The following DHX40 variants were observed in gnomAD, a reference collection of about 807,000 sequenced individuals.
The protein encoded by DHX40 is DEAH-box helicase 40.
In DHX40, 28 loss-of-function variants were observed where a neutral mutation model predicts 89.6. The ratio of observed to expected loss-of-function variants is 0.31; its 90% CI spans 0.23 to 0.43. The LOEUF is 0.43. DHX40 is among the 20% of genes least tolerant of loss of function. The pLI is 1.00. For missense variants in DHX40, 457 were observed against 844.0 expected (o/e 0.54, Z 5.68); for synonymous variants, 226 against 283.6 (o/e 0.80, Z 2.04).
At chr17:59,574,482 A>G (rs945708977) in intron 6 of DHX40, among the ~76,000 whole-genome samples, 3 of 151,562 alleles carry the variant, frequency 2.0e-5, no homozygotes, top group Admixed American at 2.0e-4. Flanking sequence ...TGTCAAAGAC[A>G]TAATAGTATG....
At chr17:59,593,462 T>C (rs1179627706) in intron 12 of DHX40, among the ~76,000 whole-genome samples, 1 of 25,750 alleles carries the variant, frequency 3.9e-5, no homozygotes, top group Non-Finnish European at 7.4e-5. Flanking sequence ...GTGATGTCTT[T>C]TAAAATATTT....
chr17:59,569,220 C>G (rs1379787689), intron 2 of DHX40, among the ~76,000 whole-genome samples: 1 of 152,066 alleles, frequency 6.6e-6, no homozygotes, highest in Non-Finnish European at 1.5e-5. Context: ...CCCAGTTACT[C>G]AGGCGGCTGA....
intron 7 of DHX40, chr17:59,576,993 C>A (rs545518828): frequency 6.3e-4 from 241 of 383,536 alleles, no homozygotes; most frequent in African/African-American, 4.7e-3. Context: ...CCTCAGCCTC[C>A]CGAGTAGCTG....
In DHX40 at chr17:59,566,668, A is replaced by G; in HGVS notation, c.154A>G (p.Thr52Ala). ...GTCCCAGGAGGGAGGAACTACTCCA[A>G]CTTTTCCTATTCAGAAACAAAGAAA... The part of the protein sequence containing the change: ...CTSQEGGTTP[T>A]FPIQKQRKKI... The change falls in exon 2 of 18, where the codon ACT becomes GCT. Residue 52 changes from threonine to alanine, a missense_variant. By Grantham distance (58) the Thr-to-Ala change is moderately conservative (BLOSUM62 0). This residue lies in a region of DHX40 where 75 missense variants were observed against 76.8 expected (regional missense o/e 0.98). Coordinates refer to ENST00000251241, the MANE Select transcript of DHX40 (RefSeq NM_024612.5). The G allele has an allele frequency of 6.2e-7, 1 of 1,604,312 alleles. No homozygotes were observed. The highest frequency in any genetic ancestry group is 2.2e-5 in the East Asian group (1 of 44,586).
chr17:59,585,439 G>T (rs1250740376), intron 10 of DHX40, among the ~76,000 whole-genome samples: 2 of 148,718 alleles, frequency 1.3e-5, no homozygotes, highest in Non-Finnish European at 3.0e-5. Flanking sequence ...GAAGCATTTT[G>T]AGGCTGGGTG....
At chr17:59,566,584 T>G in intron 1 of DHX40, 43 bp from the exon 2 acceptor site, 2 of 1,522,120 alleles carry the variant, frequency 1.3e-6, no homozygotes, top group Non-Finnish European at 1.8e-6. Flanking sequence ...GTCAGAGATA[T>G]CTTTACAAGT....
At chr17:59,574,972 T>C (rs1336305028) in intron 6 of DHX40, among the ~76,000 whole-genome samples, 5 of 152,238 alleles carry the variant, frequency 3.3e-5, no homozygotes, top group Non-Finnish European at 7.3e-5. Flanking sequence ...AGTGAGGGAT[T>C]GTCACAATCT....
At chr17:59,583,628 C>T (rs567309250) in intron 10 of DHX40, among the ~76,000 whole-genome samples, 1 of 141,056 alleles carries the variant, frequency 7.1e-6, no homozygotes, top group African/African-American at 2.4e-5. Flanking sequence ...CGCCTGTAAT[C>T]CCAGCACTTT....
At chr17:59,588,245 A>C (rs1210431612) in intron 12 of DHX40, among the ~76,000 whole-genome samples, 192 bp downstream of exon 12, 1 of 137,308 alleles carries the variant, frequency 7.3e-6, no homozygotes, top group African/African-American at 3.5e-5. Flanking sequence ...AAAAAAACCA[A>C]AAACAAAATT....
intron 15 of DHX40, among the ~76,000 whole-genome samples, chr17:59,603,050 A>G (rs1256236585): frequency 1.3e-5 from 2 of 152,170 alleles, no homozygotes; most frequent in African/African-American, 2.4e-5. Context: ...AGGCATCTTT[A>G]TAGAGAAAGG....
At position 59,602,587 on chromosome 17, in the gene DHX40, T is replaced by C; in HGVS notation, c.1872T>C (p.Cys624=). 1 of 1,613,916 alleles carries C rather than the reference T, an allele frequency of 6.2e-7. No homozygotes were observed. Among genetic ancestry groups the C allele is most frequent in the Non-Finnish European group, 8.5e-7 (1 of 1,179,858 alleles). The change falls in exon 15 of 18, where the codon TGT becomes TGC. Residue 624 remains cysteine, a synonymous_variant. Coordinates refer to ENST00000251241, the MANE Select transcript of DHX40 (RefSeq NM_024612.5). ...PKHEVLRRCL[C]AGYFKNVARR... ...ATGAAGTACTACGAAGATGTCTTTGTGCGGGCTATTTCAAAAATGTAGCTC... is the reference window on the plus strand; with the variant it reads ...ATGAAGTACTACGAAGATGTCTTTGCGCGGGCTATTTCAAAAATGTAGCTC...
intron 3 of DHX40, among the ~76,000 whole-genome samples, chr17:59,572,322 G>A (rs1379126175): frequency 6.6e-6 from 1 of 152,004 alleles, no homozygotes; most frequent in African/African-American, 2.4e-5. Context: ...TATGGATGTC[G>A]TTGCTGTTAT....
Position 59,565,639 on chromosome 17 carries a change from T to A in DHX40, c.-33T>A. The A allele has an allele frequency of 1.3e-5, 21 of 1,579,062 alleles. No homozygotes were observed. The highest frequency in any genetic ancestry group is 1.8e-5 in the Non-Finnish European group (21 of 1,165,170). On this transcript the variant is annotated 5_prime_UTR_variant, in exon 1 of 18. Transcript: ENST00000251241. ...TTCCCCTCCCATCTCCTCAGATCGG[T>A]GGACGTGCTCGCCTCCACTCGGGGC...
rs373074470 is a variant in DHX40 at position 59,565,639 on chromosome 17, T to C, written c.-33T>C. 8.2e-6 allele frequency: 13 copies of C among 1,578,944 alleles called. No homozygotes were observed. Among genetic ancestry groups the C allele is most frequent in the Non-Finnish European group, 1.1e-5 (13 of 1,165,178 alleles). Reference sequence around the variant, plus strand: ...TTCCCCTCCCATCTCCTCAGATCGGTGGACGTGCTCGCCTCCACTCGGGGC... The same window carrying C: ...TTCCCCTCCCATCTCCTCAGATCGGCGGACGTGCTCGCCTCCACTCGGGGC... On this transcript the variant is annotated 5_prime_UTR_variant, in exon 1 of 18. Transcript: ENST00000251241.
intron 3 of DHX40, among the ~76,000 whole-genome samples, chr17:59,571,411 C>G (rs1254500650): frequency 6.7e-6 from 1 of 149,134 alleles, no homozygotes; most frequent in Non-Finnish European, 1.5e-5. Context: ...GAGCTGAGAT[C>G]GCGCCACTGC....
intron 2 of DHX40, 72 bp downstream of exon 2, chr17:59,566,866 T>A: frequency 7.5e-7 from 1 of 1,334,582 alleles, no homozygotes; most frequent in Non-Finnish European, 1.0e-6. Context: ...GTAGGACTTC[T>A]GTACTCCATG....
chr17:59,607,091 A>G lies in DHX40; in HGVS notation c.2259A>G (p.Ile753Met). The G allele has an allele frequency of 6.2e-7, 1 of 1,614,238 alleles. No homozygotes were observed. Residue 753 changes from isoleucine to methionine, a missense_variant, in exon 18 of 18, where the codon ATA (isoleucine) becomes ATG (methionine). By Grantham distance (10) the Ile-to-Met change is conservative (BLOSUM62 1). Transcript: ENST00000251241. ...AAAGAAGAAATGATGACAAATCCATATCTGATGCACGGGCTCGTTTCCTTG... is the reference window on the plus strand; with the variant it reads ...AAAGAAGAAATGATGACAAATCCATGTCTGATGCACGGGCTCGTTTCCTTG... ...KMQRRNDDKS[I>M]SDARARFLER... is the part of the protein sequence containing the mutation.
chr17:59,590,130 G>T (rs1398725071), intron 12 of DHX40, among the ~76,000 whole-genome samples: 102 of 150,814 alleles, frequency 6.8e-4, no homozygotes, highest in African/African-American at 2.3e-3. Flanking sequence ...CATCCTTAGA[G>T]AATTCTTTTG....
At chr17:59,576,014 CA>C (rs1174268804) in intron 7 of DHX40, among the ~76,000 whole-genome samples, 6 of 146,884 alleles carry the variant, frequency 4.1e-5, no homozygotes, top group Non-Finnish European at 7.6e-5. Flanking sequence ...CTCAGCCTCC[CA>C]AGTAGCTGGG....
Sources: gnomAD v4.1 joint callset for allele counts (sites outside exome capture counted in the v4.1 genomes callset) on GRCh38, gnomAD v4.1.1 for gene constraint, gnomAD v4.1.1 regional missense constraint, MANE v1.5 for transcripts, NCBI Gene and HGNC (gene_info 2026-07-23, HGNC 2026-07-21) for gene names.